The following IGSF21 variants were observed in gnomAD, a reference collection of about 807,000 sequenced individuals.
The protein encoded by IGSF21 is immunoglobulin superfamily member 21.
In IGSF21, 28 loss-of-function variants were observed where a neutral mutation model predicts 46.8. That is an observed-to-expected ratio of 0.60 (90% CI 0.44 to 0.82). The LOEUF (loss-of-function observed/expected upper bound fraction) is 0.82, where lower values mean the gene tolerates loss of function less well. Ranked by LOEUF, IGSF21 falls within the 40% of genes least tolerant of loss-of-function variation. IGSF21 has a pLI of 0.00. For synonymous variants in IGSF21, 284 were observed against 273.6 expected (o/e 1.04, Z -0.38); for missense variants, 624 against 665.5 (o/e 0.94, Z 0.69).
intron 3 of IGSF21, among the ~76,000 whole-genome samples, chr1:18,323,280 G>A (rs534841525): frequency 6.8e-4 from 104 of 152,252 alleles, no homozygotes; most frequent in African/African-American, 2.5e-3. Flanking sequence ...ACCTTGTCCT[G>A]TCCCAGCTTC....
intron 2 of IGSF21, among the ~76,000 whole-genome samples, chr1:18,291,586 G>C (rs1362080070): frequency 2.0e-5 from 3 of 152,204 alleles, no homozygotes; most frequent in Non-Finnish European, 4.4e-5. Context: ...AAGGCAGCAA[G>C]CTTCCCCTGA....
chr1:18,130,323 G>A (rs2086306911), intron 1 of IGSF21, among the ~76,000 whole-genome samples: 1 of 152,170 alleles, frequency 6.6e-6, no homozygotes, highest in Non-Finnish European at 1.5e-5. Context: ...GTTCCTGTGG[G>A]AAGAAGACTG....
chr1:18,376,918 A>G lies in IGSF21; in HGVS notation c.1220A>G (p.Asn407Ser). The change falls in exon 8 of 10, where the codon AAT (asparagine) becomes AGT (serine). Residue 407 changes from asparagine to serine, a missense_variant. Asn to Ser is a conservative substitution (Grantham distance 46). Transcript: ENST00000251296. ...LVLERVPAEL[N>S]GSMYRCTAQN... ...CTGGAGCGGGTTCCCGCCGAGCTCA[A>G]TGGCTCCATGTATCGCTGCACCGCC... 1.9e-6 allele frequency: 3 copies of G among 1,612,734 alleles called. No individual in the cohort carries two copies. The highest frequency in any genetic ancestry group is 2.5e-6 in the Non-Finnish European group (3 of 1,178,826).
intron 1 of IGSF21, among the ~76,000 whole-genome samples, chr1:18,148,314 A>T (rs533174176): frequency 4.6e-5 from 7 of 151,848 alleles, no homozygotes; most frequent in Non-Finnish European, 1.0e-4. Context: ...TTGTATTTTT[A>T]GTAGAGATGG....
chr1:18,298,774 C>T (rs576773202), intron 3 of IGSF21, among the ~76,000 whole-genome samples: 2 of 152,322 alleles, frequency 1.3e-5, no homozygotes, highest in African/African-American at 2.4e-5. Context: ...CACATAGCTA[C>T]GGTGCACAAA....
chr1:18,277,541 C>T (rs906134012), intron 2 of IGSF21, among the ~76,000 whole-genome samples: 1 of 152,148 alleles, frequency 6.6e-6, no homozygotes. Context: ...GAAATGAAAA[C>T]GTGACTTTTT....
chr1:18,210,595 C>G (rs185076009), intron 1 of IGSF21, among the ~76,000 whole-genome samples: 326 of 152,268 alleles, frequency 2.1e-3, no homozygotes, highest in Non-Finnish European at 1.8e-3. Context: ...GTGCATACCC[C>G]CCTGAAGTTT....
chr1:18,345,907 C>T (rs572694709), intron 4 of IGSF21, among the ~76,000 whole-genome samples: 6 of 152,248 alleles, frequency 3.9e-5, no homozygotes, highest in African/African-American at 1.2e-4. Flanking sequence ...TATGCTCCCC[C>T]ACCTCTCACT....
chr1:18,359,371 AAAGAAAGAAAGAAAGGAAGGAAGG>A (rs1452753483), intron 4 of IGSF21, among the ~76,000 whole-genome samples: 120 of 100,636 alleles, frequency 1.2e-3, no homozygotes, highest in East Asian at 7.6e-3. Flanking sequence ...AGAAAGAAAG[AAAGAAAGAAAGAAAGGAAGGAAGG>A]AAGGAAGGAA....
chr1:18,162,893 A>G (rs753828900), intron 1 of IGSF21, among the ~76,000 whole-genome samples: 2 of 152,224 alleles, frequency 1.3e-5, no homozygotes, highest in African/African-American at 2.4e-5. Flanking sequence ...AGTGAGGTCC[A>G]GAAGGCAGAA....
chr1:18,334,465 C>T lies in IGSF21; in HGVS notation c.306-427C>T, dbSNP rs2085745423. Among the ~76,000 whole-genome samples, 1 of 152,150 alleles carries T rather than the reference C, an allele frequency of 6.6e-6. No individual in the cohort carries two copies. The highest frequency in any genetic ancestry group is 1.5e-5 in the Non-Finnish European group (1 of 68,036). Reference sequence around the variant, plus strand: ...CTTGTTTATGAAATGGGAATATGGACCCTATGTGGAGGCCGTCATGAGGAA... The same window carrying T: ...CTTGTTTATGAAATGGGAATATGGATCCTATGTGGAGGCCGTCATGAGGAA... On this transcript the variant is annotated intron_variant, in intron 3 of 9. Coordinates refer to ENST00000251296, the MANE Select transcript of IGSF21 (RefSeq NM_032880.5). This position sits in a 1 kb window ranked among gnomAD's most constrained non-coding sequence, Gnocchi z 4.3.
Position 18,376,878 on chromosome 1 carries a change from G to C in IGSF21, c.1180G>C (p.Gly394Arg). The C allele has an allele frequency of 1.2e-6, 2 of 1,612,936 alleles. No homozygotes were observed. The highest frequency in any genetic ancestry group is 1.1e-5 in the South Asian group (1 of 91,048). The change falls in exon 8 of 10, where the codon GGG becomes CGG. Residue 394 changes from glycine to arginine, a missense_variant. Gly to Arg is a moderately radical substitution (Grantham distance 125). Coordinates refer to ENST00000251296, the MANE Select transcript of IGSF21 (RefSeq NM_032880.5). Reference sequence around the variant, plus strand: ...CCTGGACGGCAGCGCTGAGTTCGACGGGAAGGAGCTGGTGCTGGAGCGGGT... The same window carrying C: ...CCTGGACGGCAGCGCTGAGTTCGACCGGAAGGAGCTGGTGCTGGAGCGGGT... The part of the protein sequence containing the change: ...RLLDGSAEFD[G>R]KELVLERVPA...
At chr1:18,224,993 A>T (rs369656196) in intron 1 of IGSF21, among the ~76,000 whole-genome samples, 26 of 151,200 alleles carry the variant, frequency 1.7e-4, no homozygotes, top group African/African-American at 6.1e-4. Flanking sequence ...TGAACCCGGT[A>T]GGTGGAGGCT....
intron 2 of IGSF21, among the ~76,000 whole-genome samples, chr1:18,280,877 C>T (rs955337965): frequency 1.3e-5 from 2 of 152,198 alleles, no homozygotes; most frequent in Admixed American, 6.5e-5. Flanking sequence ...CTTCAACCTC[C>T]AAAGCAGGGC....
chr1:18,286,806 C>T (rs2085215909), intron 2 of IGSF21, among the ~76,000 whole-genome samples: 1 of 152,218 alleles, frequency 6.6e-6, no homozygotes, highest in African/African-American at 2.4e-5. Flanking sequence ...TTCATTCACT[C>T]ATTGACTCAT....
At chr1:18,254,270 A>G (rs1477982468) in intron 2 of IGSF21, among the ~76,000 whole-genome samples, 2 of 145,676 alleles carry the variant, frequency 1.4e-5, no homozygotes, top group Non-Finnish European at 2.9e-5. Flanking sequence ...AGAGTTTGTC[A>G]TTCCTTGAAG....
At chr1:18,283,507 G>A (rs1189344477) in intron 2 of IGSF21, among the ~76,000 whole-genome samples, 1 of 152,192 alleles carries the variant, frequency 6.6e-6, no homozygotes, top group African/African-American at 2.4e-5. Context: ...TCAGGGTGGA[G>A]AACAGGTGGG....
At chr1:18,270,387 G>A (rs1281884760) in intron 2 of IGSF21, among the ~76,000 whole-genome samples, 1 of 152,144 alleles carries the variant, frequency 6.6e-6, no homozygotes, top group Non-Finnish European at 1.5e-5. Context: ...GATGGGGGTG[G>A]GCCTGGATGA....
intron 1 of IGSF21, among the ~76,000 whole-genome samples, chr1:18,213,765 A>G (rs1052630170): frequency 2.6e-5 from 4 of 152,098 alleles, no homozygotes; most frequent in Admixed American, 6.5e-5. Context: ...CAAACACAAG[A>G]ACGTGAGGTC....
Sources: allele counts gnomAD v4.1 joint callset (sites outside exome capture counted in the v4.1 genomes callset), GRCh38; gene constraint gnomAD v4.1.1; non-coding constraint Gnocchi (gnomAD v3.1); transcripts MANE v1.5; gene names NCBI Gene and HGNC (gene_info 2026-07-23, HGNC 2026-07-21).